Variants in ABTB2 observed in about 807,000 individuals in gnomAD.
ABTB2 encodes ankyrin repeat and BTB/POZ domain-containing protein 2.
In ABTB2, 56 loss-of-function variants were observed where a neutral mutation model predicts 104.1. The observed-to-expected ratio is 0.54, with a 90% CI of 0.43 to 0.67. The LOEUF (loss-of-function observed/expected upper bound fraction) is 0.67, where lower values mean the gene tolerates loss of function less well. ABTB2 is among the 30% of genes least tolerant of loss of function. ABTB2 has a pLI of 0.00. For synonymous variants in ABTB2, 606 were observed against 608.2 expected (o/e 1.00, Z 0.05); for missense variants, 1,279 against 1,407.7 (o/e 0.91, Z 1.46).
At position 34,357,478 on chromosome 11, in the gene ABTB2, T is replaced by C; in HGVS notation, c.106A>G (p.Lys36Glu). The C allele has an allele frequency of 6.5e-7, 1 of 1,546,228 alleles. No individual in the cohort carries two copies. The highest frequency in any genetic ancestry group is 8.7e-7 in the Non-Finnish European group (1 of 1,146,824). ...GAGTTGAGCGCCTGCGAGTTGGACTTGGAGGACGAGAGGCTGAGCGAGCGG... is the reference window on the plus strand; with the variant it reads ...GAGTTGAGCGCCTGCGAGTTGGACTCGGAGGACGAGAGGCTGAGCGAGCGG... ...SCRSLSLSSSKSNSQALNSSA... is the reference protein window; with the variant it reads ...SCRSLSLSSSESNSQALNSSA... Residue 36 changes from lysine to glutamate, a missense_variant, in exon 1 of 17, where the codon AAG (lysine) becomes GAG (glutamate). Coordinates refer to ENST00000435224, the MANE Select transcript of ABTB2 (RefSeq NM_145804.3).
At chr11:34,280,850 G>A (rs1164013978) in intron 1 of ABTB2, among the ~76,000 whole-genome samples, 1 of 152,180 alleles carries the variant, frequency 6.6e-6, no homozygotes, top group Non-Finnish European at 1.5e-5. Context: ...TAAGTGAAGA[G>A]GCAGTGGACT....
Position 34,280,131 on chromosome 11 carries a change from A to G in ABTB2, c.884-75441T>C, listed in dbSNP as rs910650874. ...ACAAGGACCCTATGCGATAGGTGCC[A>G]TAATCCCTATTGTACAGATGAGAAC... On this transcript the variant is annotated intron_variant, in intron 1 of 16. Coordinates refer to ENST00000435224, the MANE Select transcript of ABTB2 (RefSeq NM_145804.3). Among the ~76,000 whole-genome samples, 17 of 152,286 alleles carry G rather than the reference A, an allele frequency of 1.1e-4. No individual in the cohort carries two copies. The South Asian group carries it at 1.7e-3, about 15-fold the overall frequency.
intron 3 of ABTB2, among the ~76,000 whole-genome samples, chr11:34,182,777 G>A (rs577035283): frequency 7.9e-5 from 12 of 152,100 alleles, no homozygotes; most frequent in African/African-American, 2.2e-4. Flanking sequence ...TTTCTGGAGC[G>A]TTTACTAAGC....
intron 1 of ABTB2, among the ~76,000 whole-genome samples, chr11:34,225,347 G>A (rs951973943): frequency 3.3e-5 from 5 of 152,184 alleles, no homozygotes; most frequent in Non-Finnish European, 7.3e-5. Flanking sequence ...GCAAGACCCC[G>A]CCACTGTTAT....
Position 34,178,228 on chromosome 11 carries a change from C to T in ABTB2, c.1245-4921G>A, listed in dbSNP as rs571105195. Among the ~76,000 whole-genome samples the T allele has an allele frequency of 1.1e-4, 16 of 152,274 alleles. No individual in the cohort carries two copies. In the South Asian group the frequency reaches 2.5e-3, roughly 24 times the overall value. ...GGTGCCCACATGTACAAACAAGGCC[C>T]CCAAACTGATCCCTTCAGGCCTTAC... On this transcript the variant is annotated intron_variant, in intron 3 of 16. Transcript: ENST00000435224.
At chr11:34,186,783 G>A (rs537263344) in intron 3 of ABTB2, among the ~76,000 whole-genome samples, 47 of 152,284 alleles carry the variant, frequency 3.1e-4, no homozygotes, top group African/African-American at 1.1e-3. Context: ...CTCGGATGCT[G>A]GGCAGACGCC....
intron 1 of ABTB2, among the ~76,000 whole-genome samples, chr11:34,306,314 T>G (rs538184781): frequency 7.4e-6 from 1 of 135,612 alleles, no homozygotes; most frequent in South Asian, 2.6e-4. Flanking sequence ...TGGCACAATC[T>G]CGGCTCACTG....
chr11:34,306,910 A>T (rs1374897979), intron 1 of ABTB2, among the ~76,000 whole-genome samples: 1 of 150,020 alleles, frequency 6.7e-6, no homozygotes, highest in Admixed American at 6.7e-5. Context: ...ACGCCTCTGG[A>T]CTGAAGTGAA....
At chr11:34,199,028 G>C (rs1195817294) in intron 2 of ABTB2, among the ~76,000 whole-genome samples, 1 of 152,226 alleles carries the variant, frequency 6.6e-6, no homozygotes, top group Non-Finnish European at 1.5e-5. Flanking sequence ...TGCTGCTTCT[G>C]GGAATCTGGT....
intron 11 of ABTB2, 33 bp from the exon 12 acceptor site, chr11:34,160,386 C>T (rs373957209): frequency 4.0e-6 from 6 of 1,514,858 alleles, no homozygotes; most frequent in African/African-American, 1.4e-5. Context: ...CTGTGAGCTG[C>T]CCGCTGTGGC....
At chr11:34,274,060 G>C (rs1256174479) in intron 1 of ABTB2, among the ~76,000 whole-genome samples, 1 of 146,618 alleles carries the variant, frequency 6.8e-6, no homozygotes, top group Non-Finnish European at 1.5e-5. Flanking sequence ...GCTGAGGCAG[G>C]AGAATGGCGT....
Position 34,154,309 on chromosome 11 carries a change from T to A in ABTB2, c.2836A>T (p.Thr946Ser). 1 of 1,613,992 alleles carries A rather than the reference T, an allele frequency of 6.2e-7. No individual in the cohort carries two copies. The highest frequency in any genetic ancestry group is 8.5e-7 in the Non-Finnish European group (1 of 1,179,976). ...TTCACGGCACTCTCCATGCTGAGGG[T>A]CTGGGAGCACAGGATCTCGCAGTGC... The part of the protein sequence containing the change: ...QRHCEILCSQ[T>S]LSMESAVNTY... Residue 946 changes from threonine (T) to serine (S), a missense_variant, in exon 16 of 17, where the codon ACC becomes TCC. Thr to Ser is a moderately conservative substitution (Grantham distance 58). Coordinates refer to ENST00000435224, the MANE Select transcript of ABTB2 (RefSeq NM_145804.3). This position sits in a 1 kb window ranked among gnomAD's most constrained non-coding sequence, Gnocchi z 4.9.
chr11:34,191,942 C>T (rs569714158), intron 3 of ABTB2, among the ~76,000 whole-genome samples: 2 of 152,342 alleles, frequency 1.3e-5, no homozygotes, highest in South Asian at 2.1e-4. Flanking sequence ...TGATACAAAC[C>T]ATCGTGCTGA....
chr11:34,263,749 G>A (rs1275215610), intron 1 of ABTB2, among the ~76,000 whole-genome samples: 1 of 152,182 alleles, frequency 6.6e-6, no homozygotes. Flanking sequence ...AGGGAAACAA[G>A]GATGAATGGG....
intron 1 of ABTB2, among the ~76,000 whole-genome samples, chr11:34,322,701 T>C (rs1855020074): frequency 6.6e-6 from 1 of 152,178 alleles, no homozygotes; most frequent in South Asian, 2.1e-4. Context: ...AACGCTTTTT[T>C]CTCTCTGTCA....
intron 9 of ABTB2, among the ~76,000 whole-genome samples, chr11:34,164,231 T>C (rs1441275023): frequency 2.0e-5 from 3 of 152,114 alleles, no homozygotes; most frequent in African/African-American, 7.2e-5. Context: ...TGGGCAGGCC[T>C]GGTCCCCACA....
intron 3 of ABTB2, among the ~76,000 whole-genome samples, chr11:34,195,404 C>A (rs1853242659): frequency 6.6e-6 from 1 of 152,248 alleles, no homozygotes; most frequent in South Asian, 2.1e-4. Context: ...AGGTGTCTTT[C>A]AGGATGCCCA....
intron 1 of ABTB2, among the ~76,000 whole-genome samples, chr11:34,297,723 G>A (rs146620115): frequency 0.023 from 3,155 of 136,624 alleles, 81 homozygotes; most frequent in African/African-American, 0.069. Flanking sequence ...CTGAGATCAC[G>A]CCATTGCACT....
intron 1 of ABTB2, chr11:34,335,839 A>C: frequency 8.0e-7 from 1 of 1,253,656 alleles, no homozygotes; most frequent in Non-Finnish European, 1.2e-6. Flanking sequence ...ATCAGGCCAC[A>C]CCTTTTGAGA....
Sources: allele counts gnomAD v4.1 joint callset (sites outside exome capture counted in the v4.1 genomes callset), GRCh38; gene constraint gnomAD v4.1.1; non-coding constraint Gnocchi (gnomAD v3.1); transcripts MANE v1.5; gene names NCBI Gene and HGNC (gene_info 2026-07-23, HGNC 2026-07-21).